Variants in CLASP1 observed in about 807,000 individuals in gnomAD.
CLASP1 encodes CLIP-associating protein 1.
CLASP1 carries 38 observed loss-of-function variants against 192.3 expected under a neutral mutation model. The ratio of observed to expected loss-of-function variants is 0.20; its 90% CI spans 0.15 to 0.26. CLASP1 has a LOEUF of 0.26. Ranked by LOEUF, CLASP1 falls within the 10% of genes least tolerant of loss-of-function variation. The pLI is 1.00. For synonymous variants in CLASP1, 691 were observed against 712.8 expected (o/e 0.97, Z 0.49); for missense variants, 1,433 against 1,932.5 (o/e 0.74, Z 4.85).
chr2:121,340,842 C>T (rs1399442856), exon 40 of CLASP1: 1 of 1,599,992 alleles, frequency 6.3e-7, no homozygotes, highest in Non-Finnish European at 8.5e-7. Flanking sequence ...TAGGTCTACA[C>T]AAGAGACAGG....
At chr2:121,394,883 C>A (rs1448988312) in intron 30 of CLASP1, among the ~76,000 whole-genome samples, 1 of 152,164 alleles carries the variant, frequency 6.6e-6, no homozygotes, top group Non-Finnish European at 1.5e-5. Flanking sequence ...CCGTCTCAAA[C>A]AAACAAACCA....
chr2:121,548,715 C>G (rs2057712015), intron 2 of CLASP1, among the ~76,000 whole-genome samples: 1 of 151,932 alleles, frequency 6.6e-6, no homozygotes, highest in Admixed American at 6.6e-5. Context: ...ACAGACTTCT[C>G]AGCTGAAACC....
At chr2:121,387,777 T>C in exon 31 of CLASP1, 1 of 1,614,002 alleles carries the variant, frequency 6.2e-7, no homozygotes. Context: ...CTGGTGTTAC[T>C]GGAATTCTTG....
At chr2:121,525,635 C>A (rs1012771669) in intron 6 of CLASP1, among the ~76,000 whole-genome samples, 1 of 152,122 alleles carries the variant, frequency 6.6e-6, no homozygotes, top group East Asian at 1.9e-4. Flanking sequence ...CTGGCCACCA[C>A]ATTTACCAAT....
chr2:121,629,079 T>G (rs2068950342), intron 1 of CLASP1, among the ~76,000 whole-genome samples: 1 of 152,130 alleles, frequency 6.6e-6, no homozygotes, highest in African/African-American at 2.4e-5. Flanking sequence ...TACTATGCAG[T>G]TACCAACAAT....
At chr2:121,504,746 C>T (rs2093886246) in intron 7 of CLASP1, among the ~76,000 whole-genome samples, 1 of 152,168 alleles carries the variant, frequency 6.6e-6, no homozygotes, top group Non-Finnish European at 1.5e-5. Context: ...TGATGCACTG[C>T]CTCCCCCCAT....
At chr2:121,346,632 A>G (rs577937319) in intron 39 of CLASP1, among the ~76,000 whole-genome samples, 2 of 152,238 alleles carry the variant, frequency 1.3e-5, no homozygotes, top group African/African-American at 2.4e-5. Flanking sequence ...GCTGCCCTGT[A>G]GGCTCAAGGT....
intron 2 of CLASP1, among the ~76,000 whole-genome samples, chr2:121,601,334 A>T (rs530297370): frequency 6.8e-6 from 1 of 146,178 alleles, no homozygotes; most frequent in Admixed American, 7.0e-5. Flanking sequence ...GTGCAATGCC[A>T]TGATCTTGGC....
chr2:121,444,184 T>C (rs1181411682), intron 19 of CLASP1, among the ~76,000 whole-genome samples: 1 of 152,070 alleles, frequency 6.6e-6, no homozygotes, highest in East Asian at 1.9e-4. Flanking sequence ...ATTCAAAAGG[T>C]AATACAAAAA....
exon 5 of CLASP1, chr2:121,527,802 T>C (rs766416174): frequency 2.1e-5 from 34 of 1,611,122 alleles, no homozygotes; most frequent in Non-Finnish European, 2.7e-5. Context: ...GACTTACGCA[T>C]TGAGTGTTGC....
chr2:121,402,247 T>C (rs1003876524), intron 26 of CLASP1, among the ~76,000 whole-genome samples: 1 of 152,322 alleles, frequency 6.6e-6, no homozygotes, highest in South Asian at 2.1e-4. Context: ...ATTTCAGATA[T>C]CATAAAGTAA....
At chr2:121,461,038 A>G in intron 11 of CLASP1, 63 bp downstream of exon 11, 1 of 985,988 alleles carries the variant, frequency 1.0e-6, no homozygotes, top group Non-Finnish European at 1.5e-6. Flanking sequence ...ATTTCACAAT[A>G]AAGTATTTGA....
At chr2:121,465,385 C>T (rs1230029314) in intron 9 of CLASP1, among the ~76,000 whole-genome samples, 1 of 152,110 alleles carries the variant, frequency 6.6e-6, no homozygotes, top group African/African-American at 2.4e-5. Flanking sequence ...AACAGACAAA[C>T]AGAGAGCCAA....
intron 2 of CLASP1, among the ~76,000 whole-genome samples, chr2:121,604,900 AACTCTCC>A (rs1300803628): frequency 6.6e-6 from 1 of 152,218 alleles, no homozygotes; most frequent in Non-Finnish European, 1.5e-5. Flanking sequence ...CAGTCATGCA[AACTCTCC>A]ACTCTTCCTT....
intron 1 of CLASP1, among the ~76,000 whole-genome samples, chr2:121,641,323 G>C (rs1325820609): frequency 6.7e-6 from 1 of 150,006 alleles, no homozygotes; most frequent in South Asian, 2.1e-4. Context: ...AAGCACTTGG[G>C]GAACCTGTTA....
chr2:121,484,399 T>C lies in CLASP1; in HGVS notation c.713-14439A>G, dbSNP rs1266405534. On this transcript the variant is annotated intron_variant, in intron 8 of 39. Coordinates refer to ENST00000263710, the Ensembl canonical transcript of CLASP1. ...GCCCAATTTATGCCAAAGACAACCATTGTGTGAGAAATTTCACACCCAATT... is the reference window on the plus strand; with the variant it reads ...GCCCAATTTATGCCAAAGACAACCACTGTGTGAGAAATTTCACACCCAATT... Among the ~76,000 whole-genome samples the C allele has an allele frequency of 4.6e-5, 7 of 152,154 alleles. No individual in the cohort carries two copies. In the East Asian group the frequency reaches 7.7e-4, roughly 17 times the overall value.
At chr2:121,501,661 T>A (rs1180919216) in intron 8 of CLASP1, among the ~76,000 whole-genome samples, 2 of 152,204 alleles carry the variant, frequency 1.3e-5, no homozygotes, top group South Asian at 4.1e-4. Context: ...GTATTTTATA[T>A]AGGAAACATG....
At chr2:121,365,070 G>T (rs1161150187) in intron 36 of CLASP1, 24 bp downstream of exon 37, 1 of 1,613,196 alleles carries the variant, frequency 6.2e-7, no homozygotes, top group South Asian at 1.1e-5. Flanking sequence ...AAAGGGGCAA[G>T]ATAAGGCCAA....
rs1190247317 is a variant in CLASP1, at chr2:121,407,497, G to C, written c.2643C>G (p.Asn881Lys). The C allele has an allele frequency of 1.1e-5, 17 of 1,613,862 alleles. No homozygotes were observed. Among genetic ancestry groups the C allele is most frequent in the African/African-American group, 2.7e-5 (2 of 74,912 alleles). Residue 881 changes from asparagine (N) to lysine (K), a missense_variant, in exon 25 of 40, where the codon AAC becomes AAG. This residue lies in a region of CLASP1 where 445 missense variants were observed against 535.5 expected (regional missense o/e 0.83). Coordinates refer to ENST00000263710, the Ensembl canonical transcript of CLASP1. ...TCAGTGTTCTTTGGCTCTTCAGTAA[G>C]TTCTGCAGGCCCAGAAGCCCTTCTT...
Sources: gnomAD v4.1 joint callset for allele counts (sites outside exome capture counted in the v4.1 genomes callset) on GRCh38, gnomAD v4.1.1 for gene constraint, gnomAD v4.1.1 regional missense constraint, MANE v1.5 for transcripts, NCBI Gene and HGNC (gene_info 2026-07-23, HGNC 2026-07-21) for gene names.